Variants in GUF1 observed in about 807,000 individuals in gnomAD.
GUF1 encodes translation factor GUF1, mitochondrial.
GUF1 carries 78 observed loss-of-function variants against 82.4 expected under a neutral mutation model. The observed-to-expected ratio is 0.95, with a 90% CI of 0.79 to 1.14. GUF1 has a LOEUF of 1.14. Ranked by LOEUF, GUF1 falls within the 50% of genes most tolerant of loss-of-function variation. The probability of loss-of-function intolerance (pLI) is 0.00; values close to 1 mark genes in which losing one functional copy is unlikely to be tolerated. For missense variants in GUF1, 814 were observed against 798.2 expected (o/e 1.02, Z -0.24); for synonymous variants, 279 against 282.3 (o/e 0.99, Z 0.12).
rs1714561173 is a variant in GUF1 at position 44,678,542 on chromosome 4, C to A, written c.-81C>A. 2 of 1,156,582 alleles carry A rather than the reference C, an allele frequency of 1.7e-6. No homozygotes were observed. The highest frequency in any genetic ancestry group is 1.1e-6 in the Non-Finnish European group (1 of 869,826). 71.6% of individuals were successfully genotyped at this position (1,156,582 alleles called of 1,614,324 possible). A position where few individuals can be genotyped will look rare whatever the true frequency, so the allele number is the denominator to read the frequency against. On this transcript the variant is annotated 5_prime_UTR_variant, in exon 1 of 17. Transcript: ENST00000281543. ...TTTGAGTCCTGTCCACCGGATCCTA[C>A]GGGGGGTACCTTCGAAAAAAAACGG...
In GUF1 at chr4:44,688,118, T is replaced by G. The variant is rs1249560955; in HGVS notation, c.1050T>G (p.Phe350Leu). The change falls in exon 9 of 17, where the codon TTT becomes TTG. Residue 350 changes from phenylalanine (F) to leucine (L), a missense_variant. By Grantham distance (22) the Phe-to-Leu change is conservative. Transcript: ENST00000281543. The part of the protein sequence containing the change: ...HKQPVEPLPG[F>L]KSAKPMVFAG... The stretch of plus-strand genomic sequence containing the variant: ...AACCAGTGGAGCCCTTGCCTGGGTT[T>G]AAATCAGCGAAACCAATGGTATTTG... 1 of 1,611,634 alleles carries G rather than the reference T, an allele frequency of 6.2e-7. No individual in the cohort carries two copies. Among genetic ancestry groups the G allele is most frequent in the African/African-American group, 1.3e-5 (1 of 74,748 alleles).
intron 1 of GUF1, 60 bp from the exon 2 acceptor site, chr4:44,680,381 T>C: frequency 1.5e-6 from 1 of 684,072 alleles, no homozygotes; most frequent in Non-Finnish European, 2.6e-6. Context: ...TTTGAATTGG[T>C]ATACTTGTTT....
At chr4:44,689,566 T>C (rs989075797) in intron 10 of GUF1, among the ~76,000 whole-genome samples, 157 bp downstream of exon 10, 4 of 151,764 alleles carry the variant, frequency 2.6e-5, no homozygotes, top group African/African-American at 9.7e-5. Flanking sequence ...GAAAATAAGT[T>C]TATATTAGTG....
intron 12 of GUF1, 151 bp from the exon 13 acceptor site, chr4:44,691,515 G>A (rs952795084): frequency 1.9e-6 from 1 of 536,000 alleles, no homozygotes; most frequent in Admixed American, 3.5e-5. Context: ...AAAAGCTTTG[G>A]TAGCAAGCCT....
At position 44,700,257 on chromosome 4, in the gene GUF1, T is replaced by G. The variant is rs958794562; in HGVS notation, c.*1576T>G. On this transcript the variant is annotated 3_prime_UTR_variant, in exon 17 of 17. Coordinates refer to ENST00000281543, the MANE Select transcript of GUF1 (RefSeq NM_021927.3). ...TTCCTAAATAAGACAGCCACAAAGA[T>G]AAAATTTGCTCACAAGGGAATTCCT... 1 of 152,128 alleles carries G rather than the reference T, an allele frequency of 6.6e-6. No homozygotes were observed. Among genetic ancestry groups the G allele is most frequent in the Non-Finnish European group, 1.5e-5 (1 of 68,026 alleles). The allele number at this position is 152,128 out of a possible 1,614,324, so 9.4% of individuals were successfully genotyped here.
At chr4:44,684,463 G>C (rs1010156337) in intron 6 of GUF1, among the ~76,000 whole-genome samples, 1 of 152,054 alleles carries the variant, frequency 6.6e-6, no homozygotes, top group African/African-American at 2.4e-5. Flanking sequence ...GCTGGGACTC[G>C]TGCTGTGCTG....
chr4:44,698,226 T>C (rs1488321887), intron 16 of GUF1, among the ~76,000 whole-genome samples: 1 of 152,142 alleles, frequency 6.6e-6, no homozygotes, highest in Non-Finnish European at 1.5e-5. Context: ...CCTATGTGAT[T>C]AAGAGTTACC....
rs377592371 is a variant in GUF1 at position 44,694,480 on chromosome 4, A to G, written c.1682A>G (p.Asn561Ser). The G allele has an allele frequency of 1.9e-6, 3 of 1,608,460 alleles. No homozygotes were observed. The highest frequency in any genetic ancestry group is 2.6e-6 in the Non-Finnish European group (3 of 1,175,366). ...LVKMDILLNG[N>S]TVEELVTVVH... ...AAAATGGATATTCTACTGAATGGAA[A>G]TACTGTAGAGGAGCTAGTAACTGTT... The change falls in exon 14 of 17, where the codon AAT becomes AGT. Residue 561 changes from asparagine (N) to serine (S), a missense_variant. Transcript: ENST00000281543.
chr4:44,691,032 T>C (rs1715407841), intron 12 of GUF1, among the ~76,000 whole-genome samples, 172 bp downstream of exon 12: 1 of 151,702 alleles, frequency 6.6e-6, no homozygotes, highest in African/African-American at 2.4e-5. Flanking sequence ...TTTTAAATTA[T>C]TTTGATTTTA....
intron 12 of GUF1, 111 bp from the exon 13 acceptor site, chr4:44,691,555 C>T: frequency 1.3e-6 from 1 of 754,960 alleles, no homozygotes; most frequent in Non-Finnish European, 2.1e-6. Flanking sequence ...ATGTTTCTCT[C>T]TGGATTATAA....
intron 1 of GUF1, 107 bp from the exon 2 acceptor site, chr4:44,680,334 C>T (rs897824058): frequency 5.2e-6 from 3 of 573,932 alleles, no homozygotes; most frequent in Middle Eastern, 4.5e-4. Context: ...AATATAAATG[C>T]TAGAAATGAT....
Position 44,683,129 on chromosome 4 carries a change from T to C in GUF1, c.586-106T>C, listed in dbSNP as rs950376578. On this transcript the variant is annotated intron_variant, in intron 5 of 16. Transcript: ENST00000281543. ...CTTTTGAAAAAATATTGTAGAGGGG[T>C]CAGTTAGGTTAAAGTGGGTAAGCTT... is the stretch of plus-strand genomic sequence containing the variant. 68 of 583,048 alleles carry C rather than the reference T, an allele frequency of 1.2e-4. No individual in the cohort carries two copies. In the East Asian group the frequency reaches 2.2e-3, roughly 19 times the overall value. The allele number at this position is 583,048 out of a possible 1,614,324, so 36.1% of individuals were successfully genotyped here. A position where few individuals can be genotyped will look rare whatever the true frequency, so the allele number is the denominator to read the frequency against.
At chr4:44,689,443 G>A in intron 10 of GUF1, 34 bp downstream of exon 10, 1 of 1,570,164 alleles carries the variant, frequency 6.4e-7, no homozygotes, top group Non-Finnish European at 8.6e-7. Context: ...TATAGGAAAG[G>A]GAGGTGTAAA....
intron 4 of GUF1, 56 bp downstream of exon 4, chr4:44,681,259 A>G: frequency 3.9e-6 from 5 of 1,273,700 alleles, no homozygotes; most frequent in Non-Finnish European, 5.7e-6. Context: ...GGTTGTTTCA[A>G]GAGTTTTTCT....
chr4:44,691,856 G>GC (rs1272352212), intron 13 of GUF1, 57 bp downstream of exon 13: 4 of 1,193,448 alleles, frequency 3.4e-6, no homozygotes, highest in African/African-American at 3.1e-5. Context: ...ATATTGATGA[G>GC]CAAGGGTATA....
At position 44,681,191 on chromosome 4, in the gene GUF1, T is replaced by C. The variant is rs1236701554; in HGVS notation, c.495T>C (p.Val165=). 22 of 1,610,782 alleles carry C rather than the reference T, an allele frequency of 1.4e-5. No individual in the cohort carries two copies. The highest frequency in any genetic ancestry group is 1.9e-5 in the Non-Finnish European group (22 of 1,177,152). The change falls in exon 4 of 17, where the codon GTT becomes GTC. Residue 165 remains valine, a synonymous_variant. Transcript: ENST00000281543. The stretch of plus-strand genomic sequence containing the variant: ...CTTGCCAGGGTGTTTTACTTGTGGT[T>C]GATGCAAATGAGGTAGGTATTTTTC... ...LSACQGVLLV[V]DANEGIQAQT...
chr4:44,695,612 C>T lies in GUF1; in HGVS notation c.1716-3C>T. 6.2e-7 allele frequency: 1 copy of T among 1,604,390 alleles called. No individual in the cohort carries two copies. The highest frequency in any genetic ancestry group is 8.5e-7 in the Non-Finnish European group (1 of 1,176,526). ...TATAAACAGTTGTATTTTTCTGTCT[C>T]AGAGACAAAGCTCATTCAATTGGCA... On this transcript the variant is annotated splice_region_variant and splice_polypyrimidine_tract_variant and intron_variant, in intron 14 of 16. Coordinates refer to ENST00000281543, the MANE Select transcript of GUF1 (RefSeq NM_021927.3).
rs150899783 is a variant in GUF1 at position 44,686,092 on chromosome 4, G to T, written c.734+69G>T. 5.1e-5 allele frequency: 52 copies of T among 1,017,784 alleles called. 1 individual carries two copies. The East Asian group carries it at 1.2e-3, about 24-fold the overall frequency. The allele number at this position is 1,017,784 out of a possible 1,614,324, so 63.0% of individuals were successfully genotyped here. On this transcript the variant is annotated intron_variant, in intron 7 of 16. Coordinates refer to ENST00000281543, the MANE Select transcript of GUF1 (RefSeq NM_021927.3). ...GTTCAAAAACTGTCCATGTTTAATA[G>T]TTCAAAGACTGTCAGCTTGAACTGT...
intron 8 of GUF1, among the ~76,000 whole-genome samples, chr4:44,687,734 ATTT>A (rs904286712): frequency 1.3e-5 from 2 of 151,982 alleles, no homozygotes; most frequent in African/African-American, 2.4e-5. Context: ...ATTTACATAT[ATTT>A]TAGAAACTGC....
Sources: allele counts gnomAD v4.1 joint callset (sites outside exome capture counted in the v4.1 genomes callset), GRCh38; gene constraint gnomAD v4.1.1; transcripts MANE v1.5; gene names NCBI Gene and HGNC (gene_info 2026-07-23, HGNC 2026-07-21).